The following AGBL1 variants were observed in gnomAD, a reference collection of about 807,000 sequenced individuals.
AGBL1 encodes cytosolic carboxypeptidase 4.
Under a neutral mutation model 118.9 loss-of-function variants are expected in AGBL1, and 130 were observed. The ratio of observed to expected loss-of-function variants is 1.09; its 90% CI spans 0.95 to 1.26. AGBL1 has a LOEUF of 1.26. Among genes scored for constraint, AGBL1 ranks in the 50% most tolerant of loss-of-function variants. AGBL1 has a pLI of 0.00. For synonymous variants in AGBL1, 555 were observed against 478.9 expected (o/e 1.16, Z -2.08); for missense variants, 1,584 against 1,298.1 (o/e 1.22, Z -3.38).
At chr15:86,937,519 C>T (rs1467274481) in intron 23 of AGBL1, among the ~76,000 whole-genome samples, 1 of 152,112 alleles carries the variant, frequency 6.6e-6, no homozygotes, top group East Asian at 1.9e-4. Flanking sequence ...GAGCTAGAGG[C>T]CATTATCCTC....
intron 1 of AGBL1, among the ~76,000 whole-genome samples, chr15:86,089,627 C>T (rs1895888857): frequency 6.6e-6 from 1 of 152,076 alleles, no homozygotes. Context: ...GAATTCTCCC[C>T]TCACCCTTCC....
At chr15:86,458,987 G>A (rs1174419610) in intron 18 of AGBL1, among the ~76,000 whole-genome samples, 1 of 152,076 alleles carries the variant, frequency 6.6e-6, no homozygotes, top group African/African-American at 2.4e-5. Flanking sequence ...CTCACCTTTT[G>A]CCTTAAAAGC....
At chr15:86,563,298 T>C (rs934487207) in intron 21 of AGBL1, among the ~76,000 whole-genome samples, 1 of 152,208 alleles carries the variant, frequency 6.6e-6, no homozygotes, top group African/African-American at 2.4e-5. Context: ...TAAATTTCCC[T>C]CTACACACTG....
chr15:86,688,962 G>C (rs2086112179), intron 22 of AGBL1, among the ~76,000 whole-genome samples: 1 of 151,964 alleles, frequency 6.6e-6, no homozygotes. Context: ...GGAATCATAT[G>C]GTATGTACTC....
At chr15:86,835,886 G>A (rs2079164088) in intron 22 of AGBL1, among the ~76,000 whole-genome samples, 1 of 152,072 alleles carries the variant, frequency 6.6e-6, no homozygotes, top group African/African-American at 2.4e-5. Context: ...CGATCCATTG[G>A]CTCCTATCAA....
intron 17 of AGBL1, among the ~76,000 whole-genome samples, chr15:86,337,880 TTAAAAA>T (rs1322262571): frequency 2.6e-5 from 4 of 152,046 alleles, no homozygotes; most frequent in Non-Finnish European, 4.4e-5. Flanking sequence ...AAAAATGCAC[TTAAAAA>T]TAAAAAAGAA....
chr15:86,901,100 A>T (rs181855445), intron 22 of AGBL1, among the ~76,000 whole-genome samples: 1,659 of 152,266 alleles, frequency 0.011, 16 homozygotes, highest in Non-Finnish European at 0.017. Flanking sequence ...TCCAGGTTAT[A>T]AGAATTCTTT....
intron 18 of AGBL1, among the ~76,000 whole-genome samples, chr15:86,456,657 A>T (rs1386898692): frequency 6.6e-6 from 1 of 152,198 alleles, no homozygotes; most frequent in Non-Finnish European, 1.5e-5. Context: ...AGGTCTGATA[A>T]AAGCTGCACA....
chr15:86,978,807 A>G (rs773832609), intron 23 of AGBL1, among the ~76,000 whole-genome samples: 3 of 152,170 alleles, frequency 2.0e-5, no homozygotes, highest in African/African-American at 4.8e-5. Flanking sequence ...GGAGCCTCTT[A>G]CTATGTCTTG....
chr15:86,216,546 T>C (rs977001828), intron 5 of AGBL1, among the ~76,000 whole-genome samples: 5 of 152,204 alleles, frequency 3.3e-5, no homozygotes, highest in African/African-American at 1.2e-4. Context: ...TATTCTGTTA[T>C]TATGGTGGGT....
chr15:86,392,556 A>T (rs1000550281), intron 17 of AGBL1, among the ~76,000 whole-genome samples: 14 of 152,208 alleles, frequency 9.2e-5, no homozygotes, highest in African/African-American at 3.4e-4. Context: ...TAGAAGCTTA[A>T]TATATATTGT....
intron 11 of AGBL1, 88 bp downstream of exon 11, chr15:86,264,926 C>A: frequency 8.2e-7 from 1 of 1,220,474 alleles, no homozygotes; most frequent in African/African-American, 1.5e-5. Context: ...ATTCTACTAT[C>A]TATAGGAAAG....
chr15:86,949,991 C>T (rs1332864505), intron 23 of AGBL1, among the ~76,000 whole-genome samples: 1 of 151,748 alleles, frequency 6.6e-6, no homozygotes, highest in East Asian at 1.9e-4. Flanking sequence ...AAATCAATAA[C>T]AAAAAGTAAA....
At chr15:87,027,805 T>C (rs893388886) in intron 24 of AGBL1, among the ~76,000 whole-genome samples, 4 of 151,934 alleles carry the variant, frequency 2.6e-5, no homozygotes, top group African/African-American at 9.7e-5. Context: ...CACCATGTGT[T>C]CTCACTTACA....
At position 86,514,957 on chromosome 15, in the gene AGBL1, G is replaced by A. The variant is rs535758895; in HGVS notation, c.2556-7853G>A. 1.8e-4 allele frequency among the ~76,000 whole-genome samples: 27 copies of A among 152,098 alleles called. No individual in the cohort carries two copies. The South Asian group carries it at 5.2e-3, about 29-fold the overall frequency. On this transcript the variant is annotated intron_variant, in intron 18 of 22. Transcript: ENST00000614907. ...TTACCACTCCATATCAACTCATTGG[G>A]ATTTTCCTCTTTTTTTACATAGTTG...
Position 86,276,729 on chromosome 15 carries a change from G to GTT in AGBL1, c.2076-2910_2076-2909insTT, listed in dbSNP as rs1326374616. ...TAGCTAAATAAGGAAGATGGAAAGG[G>GTT]CTTTCCATACAAAGCAAGAACATGG... On this transcript the variant is annotated intron_variant, in intron 15 of 22. Transcript: ENST00000614907. 1.0e-3 allele frequency among the ~76,000 whole-genome samples: 156 copies of GTT among 152,296 alleles called. 1 individual carries two copies. Among genetic ancestry groups the GTT allele is most frequent in the East Asian group, 5.6e-3 (29 of 5,184 alleles).
chr15:86,871,547 C>T (rs556882124), intron 22 of AGBL1, among the ~76,000 whole-genome samples: 16 of 152,198 alleles, frequency 1.1e-4, no homozygotes, highest in Non-Finnish European at 2.2e-4. Context: ...CTCTCTCCTC[C>T]TTCTACCGAC....
intron 18 of AGBL1, among the ~76,000 whole-genome samples, chr15:86,429,943 C>G (rs143888939): frequency 1.0e-3 from 157 of 152,308 alleles, no homozygotes; most frequent in Non-Finnish European, 1.8e-3. Flanking sequence ...AGTGATGAAG[C>G]TTGGAGCTGC....
intron 23 of AGBL1, among the ~76,000 whole-genome samples, chr15:86,974,658 A>G (rs1470713781): frequency 2.0e-5 from 3 of 148,300 alleles, no homozygotes; most frequent in Non-Finnish European, 3.0e-5. Flanking sequence ...AAAGATGAGA[A>G]GAAAGATCAA....
Sources: allele counts gnomAD v4.1 joint callset (sites outside exome capture counted in the v4.1 genomes callset), GRCh38; gene constraint gnomAD v4.1.1; transcripts MANE v1.5; gene names NCBI Gene and HGNC (gene_info 2026-07-23, HGNC 2026-07-21).